The following IL6R variants were observed in gnomAD, a reference collection of about 807,000 sequenced individuals.
The protein encoded by IL6R is interleukin 6 receptor, also known as interleukin-6 receptor subunit alpha.
IL6R carries 38 observed loss-of-function variants against 48.3 expected under a neutral mutation model. The ratio of observed to expected loss-of-function variants is 0.79; its 90% CI spans 0.61 to 1.03. The LOEUF is 1.03. Ranked by LOEUF, IL6R falls within the 50% of genes least tolerant of loss-of-function variation. The probability of loss-of-function intolerance (pLI) is 0.00; values close to 1 mark genes in which losing one functional copy is unlikely to be tolerated. For missense variants in IL6R, 534 were observed against 618.3 expected (o/e 0.86, Z 1.45); for synonymous variants, 264 against 256.2 (o/e 1.03, Z -0.29).
Position 154,449,939 on chromosome 1 carries a change from A to T in IL6R, c.1025A>T (p.Asn342Ile). The T allele has an allele frequency of 1.2e-6, 2 of 1,610,738 alleles. No individual in the cohort carries two copies. Among genetic ancestry groups the T allele is most frequent in the Non-Finnish European group, 1.7e-6 (2 of 1,176,952 alleles). Residue 342 changes from asparagine (N) to isoleucine (I), a missense_variant, in exon 8 of 10, where the codon AAT becomes ATT. By Grantham distance (149) the Asn-to-Ile change is moderately radical. Coordinates refer to ENST00000368485, the MANE Select transcript of IL6R (RefSeq NM_000565.4). The part of the protein sequence containing the change: ...QALTTNKDDD[N>I]ILFRDSANAT... Reference sequence around the variant, plus strand: ...CTTACTACTAATAAAGACGATGATAATATTCTCTTCAGAGATTCTGCAAAT... The same window carrying T: ...CTTACTACTAATAAAGACGATGATATTATTCTCTTCAGAGATTCTGCAAAT...
In IL6R at chr1:154,468,262, G is replaced by T. The variant is rs964175265; in HGVS notation, c.*2882G>T. On this transcript the variant is annotated 3_prime_UTR_variant, in exon 10 of 10. Transcript: ENST00000368485. ...CTCAATGCACGGGGCATTTCTACCT[G>T]TGTTTCTGCAGCACCCCCACTGCCT... 6.6e-6 allele frequency: 1 copy of T among 152,188 alleles called. No homozygotes were observed. Among genetic ancestry groups the T allele is most frequent in the African/African-American group, 2.4e-5 (1 of 41,424 alleles). The allele number at this position is 152,188 out of a possible 1,614,324, so 9.4% of individuals were successfully genotyped here.
intron 1 of IL6R, among the ~76,000 whole-genome samples, chr1:154,418,945 A>G (rs1442493342): frequency 6.6e-6 from 1 of 151,978 alleles, no homozygotes; most frequent in African/African-American, 2.4e-5. Context: ...TGAAGGGTGG[A>G]AAGATGTGAG....
chr1:154,448,211 C>A, intron 7 of IL6R, 40 bp downstream of exon 7: 5 of 1,575,538 alleles, frequency 3.2e-6, no homozygotes, highest in African/African-American at 1.3e-5. Flanking sequence ...GGCTGCAGCA[C>A]CTCGTGTTTA....
intron 1 of IL6R, chr1:154,414,372 TC>T (rs1688210701): frequency 1.4e-6 from 2 of 1,404,734 alleles, no homozygotes; most frequent in African/African-American, 2.9e-5. Flanking sequence ...GCTCAGAAGA[TC>T]ATCTCCAGCT....
intron 6 of IL6R, among the ~76,000 whole-genome samples, chr1:154,444,493 C>T (rs12730036): frequency 0.33 from 49,557 of 152,164 alleles, 9,360 homozygotes; most frequent in Admixed American, 0.49. Flanking sequence ...AGGCATGAGC[C>T]ACCGTGCCCG....
At chr1:154,424,398 C>G (rs934547140) in intron 1 of IL6R, among the ~76,000 whole-genome samples, 2 of 152,212 alleles carry the variant, frequency 1.3e-5, no homozygotes, top group African/African-American at 4.8e-5. Flanking sequence ...TGACCCCTAC[C>G]TTAGACCTTC....
In IL6R at chr1:154,466,980, C is replaced by G. The variant is rs1205333842; in HGVS notation, c.*1600C>G. The G allele has an allele frequency of 6.6e-6, 1 of 152,500 alleles. No homozygotes were observed. The highest frequency in any genetic ancestry group is 1.5e-5 in the Non-Finnish European group (1 of 68,050). 9.4% of individuals were successfully genotyped at this position (152,500 alleles called of 1,614,324 possible). A position where few individuals can be genotyped will look rare whatever the true frequency, so the allele number is the denominator to read the frequency against. ...CCTCTTCTCTACTCTAGGGAAAAAC[C>G]AGCGTGTGACTACTCCCCCAGGTGG... On this transcript the variant is annotated 3_prime_UTR_variant, in exon 10 of 10. Transcript: ENST00000368485.
intron 6 of IL6R, among the ~76,000 whole-genome samples, chr1:154,445,683 G>C (rs1368082063): frequency 6.6e-6 from 1 of 151,760 alleles, no homozygotes; most frequent in African/African-American, 2.4e-5. Flanking sequence ...CCAGGAGGCG[G>C]AGCTTGCAGT....
chr1:154,419,969 G>A (rs373893408), intron 1 of IL6R, among the ~76,000 whole-genome samples: 2 of 152,122 alleles, frequency 1.3e-5, no homozygotes, highest in East Asian at 3.9e-4. Context: ...GGCCATGGTG[G>A]GGGTCCCAGT....
At chr1:154,434,859 G>C in intron 4 of IL6R, 131 bp from the exon 5 acceptor site, 4 of 1,199,012 alleles carry the variant, frequency 3.3e-6, no homozygotes, top group Non-Finnish European at 4.7e-6. Flanking sequence ...TGATAAAGCA[G>C]GCCCTTGTGG....
intron 5 of IL6R, 114 bp from the exon 6 acceptor site, chr1:154,435,855 A>C: frequency 6.7e-6 from 6 of 893,808 alleles, no homozygotes; most frequent in Non-Finnish European, 1.0e-5. Flanking sequence ...GGGAGCCTCT[A>C]GAGGCCTCTG....
chr1:154,414,482 G>C, intron 1 of IL6R: 1 of 990,836 alleles, frequency 1.0e-6, no homozygotes, highest in Admixed American at 1.9e-5. Flanking sequence ...TTAGTTGTTG[G>C]GGCCCGGGAC....
At chr1:154,407,157 G>C (rs1029926834) in intron 1 of IL6R, among the ~76,000 whole-genome samples, 2 of 152,198 alleles carry the variant, frequency 1.3e-5, no homozygotes, top group Non-Finnish European at 2.9e-5. Flanking sequence ...GCTGAGGGAG[G>C]GAAGTGGAGG....
intron 9 of IL6R, among the ~76,000 whole-genome samples, chr1:154,456,477 G>T (rs1383468029): frequency 6.6e-6 from 1 of 152,158 alleles, no homozygotes; most frequent in African/African-American, 2.4e-5. Context: ...AAAGTGCTGG[G>T]ATTACAGGCG....
intron 1 of IL6R, among the ~76,000 whole-genome samples, chr1:154,417,652 C>T (rs866797691): frequency 1.1e-4 from 16 of 152,066 alleles, no homozygotes; most frequent in Non-Finnish European, 1.6e-4. Flanking sequence ...TCACTGCAAA[C>T]TCCATCTCCG....
chr1:154,425,153 T>C (rs926283286), intron 1 of IL6R, among the ~76,000 whole-genome samples: 2 of 152,194 alleles, frequency 1.3e-5, no homozygotes, highest in Non-Finnish European at 2.9e-5. Flanking sequence ...CGCCGGGCTG[T>C]CTGCTTGTGG....
Position 154,464,689 on chromosome 1 carries a change from C to G in IL6R, c.1161-445C>G, listed in dbSNP as rs1312821388. ...ATAAAAACAGTCGGGTCGGGTGTGC[C>G]GGCTCATACCTGTAATCCCAGCACT... On this transcript the variant is annotated intron_variant, in intron 9 of 9. Transcript: ENST00000368485. Among the ~76,000 whole-genome samples, 3 of 152,026 alleles carry G rather than the reference C, an allele frequency of 2.0e-5. No individual in the cohort carries two copies. The South Asian group carries it at 6.2e-4, about 32-fold the overall frequency.
intron 2 of IL6R, 27 bp downstream of exon 2, chr1:154,429,471 G>A: frequency 6.3e-7 from 1 of 1,590,820 alleles, no homozygotes; most frequent in Non-Finnish European, 8.6e-7. Context: ...AGGTCCCGGA[G>A]ATAGTTCCCG....
At position 154,454,520 on chromosome 1, in the gene IL6R, T is replaced by C. The variant is rs1571001453; in HGVS notation, c.1099T>C (p.Phe367Leu). Residue 367 changes from phenylalanine to leucine, a missense_variant, in exon 9 of 10, where the codon TTC becomes CTC. Phe to Leu is a conservative substitution (Grantham distance 22). Transcript: ENST00000368485. ...TTCTTCTTCAGTACCACTGCCCACA[T>C]TCCTGGTTGCTGGAGGGAGCCTGGC... ...QDSSSVPLPT[F>L]LVAGGSLAFG... The C allele has an allele frequency of 1.2e-6, 2 of 1,613,798 alleles. No individual in the cohort carries two copies. The highest frequency in any genetic ancestry group is 1.7e-6 in the Non-Finnish European group (2 of 1,179,724).
Sources: allele counts gnomAD v4.1 joint callset (sites outside exome capture counted in the v4.1 genomes callset), GRCh38; gene constraint gnomAD v4.1.1; transcripts MANE v1.5; gene names NCBI Gene and HGNC (gene_info 2026-07-23, HGNC 2026-07-21).